Variants in VGLL4 observed in about 807,000 individuals in gnomAD.
VGLL4 encodes the protein vestigial like family member 4.
Under a neutral mutation model 21.0 loss-of-function variants are expected in VGLL4, and 7 were observed. The ratio of observed to expected loss-of-function variants is 0.33; its 90% CI spans 0.19 to 0.63. The LOEUF (loss-of-function observed/expected upper bound fraction) is 0.63, where lower values mean the gene tolerates loss of function less well. Among genes scored for constraint, VGLL4 ranks in the 20% least tolerant of loss-of-function variants. VGLL4 has a pLI of 0.78. For missense variants in VGLL4, 394 were observed against 425.7 expected (o/e 0.93, Z 0.66); for synonymous variants, 222 against 173.2 (o/e 1.28, Z -2.21).
chr3:11,698,657 T>A (rs1486818110), intron 2 of VGLL4, among the ~76,000 whole-genome samples: 1 of 152,228 alleles, frequency 6.6e-6, no homozygotes, highest in Non-Finnish European at 1.5e-5. Context: ...AGACACTGAT[T>A]ACATCAATGT....
chr3:11,707,311 G>C (rs2076775399), intron 1 of VGLL4, among the ~76,000 whole-genome samples: 1 of 80,160 alleles, frequency 1.2e-5, no homozygotes, highest in African/African-American at 4.2e-5. Context: ...CTGGGCAACA[G>C]AGCCAGACCC....
intron 2 of VGLL4, among the ~76,000 whole-genome samples, chr3:11,674,808 G>C (rs960439630): frequency 6.6e-6 from 1 of 152,088 alleles, no homozygotes; most frequent in Non-Finnish European, 1.5e-5. Flanking sequence ...AAAAGGAAGG[G>C]GAGAAATATA....
intron 1 of VGLL4, among the ~76,000 whole-genome samples, chr3:11,713,176 G>A (rs2076871981): frequency 6.6e-6 from 1 of 152,142 alleles, no homozygotes; most frequent in Non-Finnish European, 1.5e-5. Flanking sequence ...TAACTGTTAA[G>A]GTTCAGTGAG....
At chr3:11,654,579 G>A (rs1263686043) in intron 2 of VGLL4, among the ~76,000 whole-genome samples, 4 of 152,174 alleles carry the variant, frequency 2.6e-5, no homozygotes, top group Admixed American at 2.0e-4. Flanking sequence ...CAAATAAAAC[G>A]AGGTATGAGA....
intron 1 of VGLL4, 91 bp downstream of exon 1, chr3:11,643,346 A>G: frequency 1.2e-6 from 2 of 1,600,034 alleles, no homozygotes; most frequent in Non-Finnish European, 1.7e-6. Context: ...CCGGAGGAGG[A>G]CAGCGGGCGC....
At chr3:11,627,440 C>T (rs1236730253) in intron 1 of VGLL4, 1 of 151,584 alleles carries the variant, frequency 6.6e-6, no homozygotes, top group African/African-American at 2.4e-5. Context: ...ATTAGCTGGG[C>T]GTGGGTTAGC....
intron 1 of VGLL4, among the ~76,000 whole-genome samples, chr3:11,629,976 A>G (rs2075441492): frequency 1.3e-5 from 2 of 151,814 alleles, no homozygotes; most frequent in Admixed American, 1.3e-4. Flanking sequence ...AGCTAAAGGA[A>G]AGTGTTCTCA....
chr3:11,608,686 A>G (rs2074998375), intron 1 of VGLL4, among the ~76,000 whole-genome samples: 1 of 152,244 alleles, frequency 6.6e-6, no homozygotes, highest in Non-Finnish European at 1.5e-5. Context: ...TGTCATTACC[A>G]TATCTCAAAG....
At position 11,556,105 on chromosome 3, in the gene VGLL4, C is replaced by T. The variant is rs1295263813; in HGVS notation, c.*2451G>A. 2 of 152,638 alleles carry T rather than the reference C, an allele frequency of 1.3e-5. No homozygotes were observed. Among genetic ancestry groups the T allele is most frequent in the African/African-American group, 4.8e-5 (2 of 41,422 alleles). The allele number at this position is 152,638 out of a possible 1,614,324, so 9.5% of individuals were successfully genotyped here. A position where few individuals can be genotyped will look rare whatever the true frequency, so the allele number is the denominator to read the frequency against. ...CACTTTATTATTGTTCTTAAGGCTA[C>T]TTTTAAGTACAAAAAAAGATGGCCT... On this transcript the variant is annotated 3_prime_UTR_variant, in exon 5 of 5. Coordinates refer to ENST00000430365, the MANE Select transcript of VGLL4 (RefSeq NM_001128219.3).
intron 2 of VGLL4, among the ~76,000 whole-genome samples, chr3:11,651,384 A>G (rs919425298): frequency 1.3e-5 from 2 of 151,988 alleles, no homozygotes; most frequent in African/African-American, 4.8e-5. Flanking sequence ...GGTTTAAGGT[A>G]AAACCTAGCA....
chr3:11,584,196 A>T lies in VGLL4; in HGVS notation c.272+17637T>A, dbSNP rs1279167465. ...TTGACAGAGCATCCTTAATATGAAG[A>T]GTCGTAACATATCAAGAGAAAGAAG... On this transcript the variant is annotated intron_variant, in intron 2 of 4. Coordinates refer to ENST00000430365, the MANE Select transcript of VGLL4 (RefSeq NM_001128219.3). 4.6e-5 allele frequency among the ~76,000 whole-genome samples: 7 copies of T among 152,384 alleles called. No individual in the cohort carries two copies. In the East Asian group the frequency reaches 1.2e-3, roughly 25 times the overall value.
At chr3:11,637,056 T>TA (rs34115389) in intron 1 of VGLL4, among the ~76,000 whole-genome samples, 19,129 of 129,248 alleles carry the variant, frequency 0.15, 1,309 homozygotes, top group South Asian at 0.23. Flanking sequence ...CTATACAGGG[T>TA]AAAAAAAAAA....
intron 2 of VGLL4, among the ~76,000 whole-genome samples, chr3:11,597,163 T>C (rs2447616): frequency 0.81 from 123,209 of 151,994 alleles, 50,317 homozygotes; most frequent in Non-Finnish European, 0.86. Context: ...ATATGGATAA[T>C]AAGTAGATAA....
chr3:11,676,407 AAAAT>A (rs1389665292), intron 2 of VGLL4, among the ~76,000 whole-genome samples: 14 of 55,290 alleles, frequency 2.5e-4, no homozygotes, highest in Middle Eastern at 0.012. Context: ...AAAAAAAAAA[AAAAT>A]AAAATAATAA....
At chr3:11,595,382 T>G (rs1228712598) in intron 2 of VGLL4, among the ~76,000 whole-genome samples, 2 of 152,180 alleles carry the variant, frequency 1.3e-5, no homozygotes, top group Non-Finnish European at 2.9e-5. Flanking sequence ...TTTTACACTG[T>G]TGGTGGGACT....
chr3:11,577,322 G>C (rs2074082524), intron 2 of VGLL4, among the ~76,000 whole-genome samples: 1 of 152,202 alleles, frequency 6.6e-6, no homozygotes, highest in Non-Finnish European at 1.5e-5. Context: ...TTAGTGGCCA[G>C]GTGTGGTGGC....
chr3:11,595,004 A>C (rs918858383), intron 2 of VGLL4, among the ~76,000 whole-genome samples: 7 of 152,204 alleles, frequency 4.6e-5, no homozygotes, highest in Non-Finnish European at 8.8e-5. Flanking sequence ...TCTACTAAAA[A>C]TACAAAATTA....
At chr3:11,709,262 C>G (rs1245102455) in intron 1 of VGLL4, among the ~76,000 whole-genome samples, 1 of 151,292 alleles carries the variant, frequency 6.6e-6, no homozygotes, top group Non-Finnish European at 1.5e-5. Context: ...ATAGAGAAAC[C>G]CCGTCTCTTC....
intron 3 of VGLL4, among the ~76,000 whole-genome samples, chr3:11,563,554 TG>T (rs1384103861): frequency 2.0e-5 from 3 of 152,236 alleles, no homozygotes; most frequent in Non-Finnish European, 2.9e-5. Flanking sequence ...CGTCTCTGGC[TG>T]CCCACAGCTC....
Sources: allele counts gnomAD v4.1 joint callset (sites outside exome capture counted in the v4.1 genomes callset), GRCh38; gene constraint gnomAD v4.1.1; transcripts MANE v1.5; gene names NCBI Gene and HGNC (gene_info 2026-07-23, HGNC 2026-07-21).